The following BMPR2 variants were observed in gnomAD, a reference collection of about 807,000 sequenced individuals.
BMPR2 encodes the protein bone morphogenetic protein receptor type 2.
A neutral mutation model predicts 100.8 loss-of-function variants in BMPR2; 29 were observed. That is an observed-to-expected ratio of 0.29 (90% confidence interval 0.21 to 0.39). BMPR2 has a LOEUF of 0.39. BMPR2 is among the 10% of genes least tolerant of loss of function. The pLI is 1.00. For synonymous variants in BMPR2, 382 were observed against 442.3 expected, an observed-to-expected ratio of 0.86 and a Z score of 1.71; for missense variants, 1,011 against 1,274.5, an observed-to-expected ratio of 0.79 and a Z score of 3.15.
At chr2:202,482,381 A>T (rs1692677092) in intron 3 of BMPR2, among the ~76,000 whole-genome samples, 1 of 151,916 alleles carries the variant, frequency 6.6e-6, no homozygotes, top group African/African-American at 2.4e-5. Flanking sequence ...GCTATTTTTA[A>T]TTTTTTTTAA....
intron 1 of BMPR2, among the ~76,000 whole-genome samples, chr2:202,439,579 TTC>T (rs1691689246): frequency 6.7e-6 from 1 of 149,782 alleles, no homozygotes; most frequent in Non-Finnish European, 1.5e-5. Flanking sequence ...TTTTTCTTTC[TTC>T]TTTATTTTTA....
At chr2:202,441,642 C>T (rs555960996) in intron 1 of BMPR2, among the ~76,000 whole-genome samples, 19 of 136,532 alleles carry the variant, frequency 1.4e-4, no homozygotes, top group Admixed American at 7.2e-4. Flanking sequence ...GGCGTGAACC[C>T]GGGAGGTGGA....
chr2:202,498,105 A>AT (rs1045383051), intron 3 of BMPR2, among the ~76,000 whole-genome samples: 4 of 152,078 alleles, frequency 2.6e-5, no homozygotes, highest in African/African-American at 9.7e-5. Flanking sequence ...CCTCCACTTC[A>AT]TTTTTGGGGC....
In BMPR2 at chr2:202,518,988, G is replaced by C; in HGVS notation, c.788G>C (p.Gly263Ala). 1.2e-6 allele frequency: 2 copies of C among 1,614,192 alleles called. No individual in the cohort carries two copies. The highest frequency in any genetic ancestry group is 8.5e-7 in the Non-Finnish European group (1 of 1,180,044). Reference sequence around the variant, plus strand: ...GACAACATTGCCCGCTTTATAGTTGGAGATGAGAGAGTCACTGCAGATGGA... The same window carrying C: ...GACAACATTGCCCGCTTTATAGTTGCAGATGAGAGAGTCACTGCAGATGGA... ...EHDNIARFIV[G>A]DERVTADGRM... Residue 263 changes from glycine to alanine, a missense_variant, in exon 6 of 13, where the codon GGA becomes GCA. By Grantham distance (60) the Gly-to-Ala change is moderately conservative (BLOSUM62 0). Around this residue, in one of 6 missense-constraint regions of BMPR2, gnomAD observed 355 missense variants for 455.3 expected, o/e 0.78. Transcript: ENST00000374580.
rs146424261 is a variant in BMPR2 at position 202,525,031 on chromosome 2, C to G, written c.967+4830C>G. Among the ~76,000 whole-genome samples the G allele has an allele frequency of 3.3e-5, 5 of 152,196 alleles. No homozygotes were observed. In the East Asian group the frequency reaches 9.7e-4, roughly 29 times the overall value. Reference sequence around the variant, plus strand: ...TGTTCTTTTGATTCTAGGGCATTTTCAGACTTTTTAAAGCCCATTTTTGGA... The same window carrying G: ...TGTTCTTTTGATTCTAGGGCATTTTGAGACTTTTTAAAGCCCATTTTTGGA... On this transcript the variant is annotated intron_variant, in intron 7 of 12. Coordinates refer to ENST00000374580, the MANE Select transcript of BMPR2 (RefSeq NM_001204.7).
At chr2:202,517,976 C>CTTTTTTTT (rs67110605) in intron 5 of BMPR2, among the ~76,000 whole-genome samples, 2 of 88,462 alleles carry the variant, frequency 2.3e-5, no homozygotes, top group African/African-American at 9.5e-5. Flanking sequence ...CCACGCCTGA[C>CTTTTTTTT]TTTTTTTTTT....
At chr2:202,458,583 C>G (rs750892855) in intron 1 of BMPR2, among the ~76,000 whole-genome samples, 3 of 152,098 alleles carry the variant, frequency 2.0e-5, no homozygotes, top group Non-Finnish European at 4.4e-5. Context: ...TCCTCTTTAT[C>G]CTTTCTATAG....
chr2:202,461,139 C>T (rs1407725011), intron 1 of BMPR2, among the ~76,000 whole-genome samples: 1 of 152,106 alleles, frequency 6.6e-6, no homozygotes, highest in Admixed American at 6.6e-5. Flanking sequence ...ACGCTGCACT[C>T]GGCCACACCA....
intron 1 of BMPR2, among the ~76,000 whole-genome samples, chr2:202,425,966 T>C (rs1213993187): frequency 6.6e-6 from 1 of 152,182 alleles, no homozygotes; most frequent in African/African-American, 2.4e-5. Flanking sequence ...ATGAAAAATA[T>C]TTTTTAAAAA....
At chr2:202,481,982 C>T (rs1692669683) in intron 3 of BMPR2, among the ~76,000 whole-genome samples, 1 of 152,152 alleles carries the variant, frequency 6.6e-6, no homozygotes, top group Non-Finnish European at 1.5e-5. Flanking sequence ...TAACAACTCA[C>T]TATTACCCCT....
At chr2:202,492,048 G>A (rs1270404092) in intron 3 of BMPR2, among the ~76,000 whole-genome samples, 1 of 152,106 alleles carries the variant, frequency 6.6e-6, no homozygotes, top group Non-Finnish European at 1.5e-5. Context: ...AACTGAAGAA[G>A]CAAGGCACAA....
At position 202,456,063 on chromosome 2, in the gene BMPR2, CAAAAAAAAAAAAAAAAAAAAA is replaced by C. The variant is rs750470872; in HGVS notation, c.77-8727_77-8707del. Among the ~76,000 whole-genome samples, 29 of 36,762 alleles carry C rather than the reference CAAAAAAAAAAAAAAAAAAAAA, an allele frequency of 7.9e-4. 1 individual carries two copies. Among genetic ancestry groups the C allele is most frequent in the South Asian group, 1.6e-3 (2 of 1,272 alleles). 24.1% of individuals were successfully genotyped at this position (36,762 alleles called of 152,430 possible). A position where few individuals can be genotyped will look rare whatever the true frequency, so the allele number is the denominator to read the frequency against. On this transcript the variant is annotated intron_variant, in intron 1 of 12. Coordinates refer to ENST00000374580, the MANE Select transcript of BMPR2 (RefSeq NM_001204.7). ...CTGGGCAACAGGGTGAGACCCGTCT[CAAAAAAAAAAAAAAAAAAAAA>C]AAAAAAAAAAAAAAAAAAGTTAAGT...
At position 202,377,262 on chromosome 2, in the gene BMPR2, C is replaced by G. The variant is rs1022189569; in HGVS notation, c.-213C>G. On this transcript the variant is annotated 5_prime_UTR_variant, in exon 1 of 13. Transcript: ENST00000374580. ...CCCCGTCCGAGGCGAAGGAACCCCC[C>G]CAGCCGCGAGGGAGAGAAATGAAGG... is the stretch of plus-strand genomic sequence containing the variant. 2.2e-5 allele frequency: 14 copies of G among 634,560 alleles called. No homozygotes were observed. The highest frequency in any genetic ancestry group is 2.9e-5 in the Non-Finnish European group (10 of 348,758). The allele number at this position is 634,560 out of a possible 1,614,324, so 39.3% of individuals were successfully genotyped here.
At chr2:202,535,158 T>C (rs1488689014) in intron 9 of BMPR2, among the ~76,000 whole-genome samples, 101 of 101,794 alleles carry the variant, frequency 9.9e-4, no homozygotes, top group Middle Eastern at 7.9e-3. Context: ...CCCTCCCGGA[T>C]GGGGCGGCTG....
chr2:202,381,298 G>A (rs930232308), intron 1 of BMPR2, among the ~76,000 whole-genome samples: 21 of 152,278 alleles, frequency 1.4e-4, no homozygotes, highest in Admixed American at 1.2e-3. Flanking sequence ...TGGTGATTCA[G>A]TGACATTTTG....
rs539573199 is a variant in BMPR2, at chr2:202,532,938, C to A, written c.1276+206C>A. Among the ~76,000 whole-genome samples the A allele has an allele frequency of 2.6e-5, 4 of 151,924 alleles. No homozygotes were observed. The East Asian group carries it at 7.7e-4, about 29-fold the overall frequency. ...TTTTTTTTAGAGTACTCCAGGTTTT[C>A]ATCTGAGTGAAATTTAATTAATTGC... On this transcript the variant is annotated intron_variant, in intron 9 of 12. Transcript: ENST00000374580. This position sits in a 1 kb window ranked among gnomAD's most constrained non-coding sequence, Gnocchi z 4.1.
intron 1 of BMPR2, among the ~76,000 whole-genome samples, chr2:202,459,974 A>C (rs939919563): frequency 6.6e-6 from 1 of 152,256 alleles, no homozygotes; most frequent in Non-Finnish European, 1.5e-5. Flanking sequence ...TTTCAAAAGA[A>C]GACATGCATA....
At chr2:202,449,607 T>C (rs1691937389) in intron 1 of BMPR2, among the ~76,000 whole-genome samples, 1 of 152,194 alleles carries the variant, frequency 6.6e-6, no homozygotes, top group Non-Finnish European at 1.5e-5. Context: ...ATAAAAACTT[T>C]GGACACTGAG....
intron 3 of BMPR2, among the ~76,000 whole-genome samples, chr2:202,502,031 C>A (rs931713233): frequency 1.2e-4 from 18 of 152,228 alleles, no homozygotes; most frequent in South Asian, 2.1e-4. Context: ...AAGCAAGCCT[C>A]TTCCCCCAGG....
Sources: gnomAD v4.1 joint callset for allele counts (sites outside exome capture counted in the v4.1 genomes callset) on GRCh38, gnomAD v4.1.1 for gene constraint, gnomAD v4.1.1 regional missense constraint, Gnocchi (gnomAD v3.1) non-coding constraint, MANE v1.5 for transcripts, NCBI Gene and HGNC (gene_info 2026-07-23, HGNC 2026-07-21) for gene names.